PTK2B: variants seen among roughly 807,000 people sequenced by gnomAD.
PTK2B encodes the protein protein tyrosine kinase 2 beta.
In PTK2B, 71 loss-of-function variants were observed where a neutral mutation model predicts 142.9. That is an observed-to-expected ratio of 0.50 (90% CI 0.41 to 0.61). The LOEUF (loss-of-function observed/expected upper bound fraction) is 0.61. Ranked by LOEUF, PTK2B falls within the 20% of genes least tolerant of loss-of-function variation. The pLI is 0.00. For synonymous variants in PTK2B, 519 were observed against 503.4 expected, an observed-to-expected ratio of 1.03 and a Z score of -0.42; for missense variants, 1,105 against 1,320.4, an observed-to-expected ratio of 0.84 and a Z score of 2.53.
chr8:27,396,041 T>C (rs1244508549), intron 1 of PTK2B: 1 of 152,202 alleles, frequency 6.6e-6, no homozygotes, highest in Admixed American at 6.5e-5. Flanking sequence ...AGATTGCATA[T>C]TCTTCTCTCC....
chr8:27,369,757 C>T (rs1200258876), intron 1 of PTK2B, among the ~76,000 whole-genome samples: 3 of 152,014 alleles, frequency 2.0e-5, no homozygotes, highest in South Asian at 4.2e-4. Flanking sequence ...GGTGGATCAC[C>T]TGAGGGCAGG....
intron 1 of PTK2B, among the ~76,000 whole-genome samples, chr8:27,381,862 A>G (rs996011069): frequency 1.3e-5 from 2 of 152,226 alleles, no homozygotes; most frequent in African/African-American, 4.8e-5. Flanking sequence ...TAACTGGGTG[A>G]GATGCTATCT....
chr8:27,332,520 G>A (rs1416925457), intron 1 of PTK2B, among the ~76,000 whole-genome samples: 2 of 152,104 alleles, frequency 1.3e-5, no homozygotes, highest in Non-Finnish European at 2.9e-5. Flanking sequence ...CTAGGCACTT[G>A]TTGAATGTTT....
intron 24 of PTK2B, 74 bp downstream of exon 24, chr8:27,445,993 A>G: frequency 5.0e-6 from 8 of 1,588,442 alleles, no homozygotes; most frequent in Non-Finnish European, 6.0e-6. Flanking sequence ...GGGACACTGG[A>G]AACCCCACGT....
intron 1 of PTK2B, among the ~76,000 whole-genome samples, chr8:27,330,067 G>A (rs1272913556): frequency 6.6e-6 from 1 of 152,132 alleles, no homozygotes; most frequent in Non-Finnish European, 1.5e-5. Context: ...TCTGGGGGTG[G>A]AAGAAACAGG....
chr8:27,343,762 G>T (rs1804552034), intron 1 of PTK2B, among the ~76,000 whole-genome samples: 1 of 152,198 alleles, frequency 6.6e-6, no homozygotes, highest in Non-Finnish European at 1.5e-5. Context: ...CACTTTTGGA[G>T]GCTGAGGCAG....
chr8:27,442,559 G>C (rs888602336), intron 21 of PTK2B, among the ~76,000 whole-genome samples: 2 of 152,228 alleles, frequency 1.3e-5, no homozygotes, highest in African/African-American at 2.4e-5. Context: ...AAGCCCAGGA[G>C]GGCAAAAGGC....
chr8:27,385,757 G>A (rs1168720542), intron 1 of PTK2B, among the ~76,000 whole-genome samples: 1 of 152,072 alleles, frequency 6.6e-6, no homozygotes, highest in Non-Finnish European at 1.5e-5. Context: ...GCTGGGTATG[G>A]GGGCGGGCAC....
At chr8:27,313,210 C>G (rs1177666064) in exon 3 of PTK2B, 1 of 152,260 alleles carries the variant, frequency 6.6e-6, no homozygotes, top group African/African-American at 2.4e-5. Context: ...TGCAGCCTTG[C>G]AAAGGAGGTG....
At chr8:27,390,470 A>G (rs1807646509) in intron 1 of PTK2B, among the ~76,000 whole-genome samples, 1 of 152,028 alleles carries the variant, frequency 6.6e-6, no homozygotes, top group Non-Finnish European at 1.5e-5. Context: ...CCCTATCTCT[A>G]TACAAAATAA....
At chr8:27,338,295 A>C (rs144723371) in intron 1 of PTK2B, among the ~76,000 whole-genome samples, 11 of 152,286 alleles carry the variant, frequency 7.2e-5, no homozygotes, top group African/African-American at 2.4e-4. Context: ...TAGCACTTGA[A>C]ATTTTAAGGT....
rs1806819600 is a variant in PTK2B, at chr8:27,378,622, TGTGTGTGTG to T, written c.-37-18925_-37-18917del. Among the ~76,000 whole-genome samples the T allele has an allele frequency of 2.2e-5, 3 of 138,132 alleles. No homozygotes were observed. The East Asian group carries it at 5.8e-4, about 27-fold the overall frequency. The allele number at this position is 138,132 out of a possible 152,430, so 90.6% of individuals were successfully genotyped here. A position where few individuals can be genotyped will look rare whatever the true frequency, so the allele number is the denominator to read the frequency against. ...TTATCTGTGTGTGTGTGTGTGTGTG[TGTGTGTGTG>T]TGTGTGTGTGTGTGTGTGTACACAA... On this transcript the variant is annotated intron_variant, in intron 1 of 30. Transcript: ENST00000346049.
chr8:27,401,200 A>G (rs1725942604), intron 2 of PTK2B, among the ~76,000 whole-genome samples: 1 of 152,208 alleles, frequency 6.6e-6, no homozygotes, highest in Admixed American at 6.5e-5. Flanking sequence ...GCTGATACAG[A>G]AAGAGCAGCC....
intron 1 of PTK2B, among the ~76,000 whole-genome samples, chr8:27,334,694 C>T (rs1320051598): frequency 6.6e-6 from 1 of 152,216 alleles, no homozygotes; most frequent in Non-Finnish European, 1.5e-5. Context: ...TCCCTGCACA[C>T]TCATGCCTGG....
At chr8:27,409,262 TAA>T (rs966697771) in intron 2 of PTK2B, among the ~76,000 whole-genome samples, 26 of 152,184 alleles carry the variant, frequency 1.7e-4, no homozygotes, top group African/African-American at 6.0e-4. Flanking sequence ...GATAGATGTA[TAA>T]AGTTTTTTGG....
intron 1 of PTK2B, among the ~76,000 whole-genome samples, chr8:27,329,953 A>G (rs1435937996): frequency 6.6e-6 from 1 of 152,114 alleles, no homozygotes; most frequent in East Asian, 1.9e-4. Flanking sequence ...CAGCTACTAA[A>G]ACCTGAGTAC....
intron 5 of PTK2B, among the ~76,000 whole-genome samples, chr8:27,427,256 C>T (rs1380222173): frequency 1.3e-5 from 2 of 152,244 alleles, no homozygotes; most frequent in African/African-American, 2.4e-5. Flanking sequence ...GTGTGACCAT[C>T]TGCTCTTCCC....
chr8:27,347,400 T>C (rs565683883), intron 1 of PTK2B, among the ~76,000 whole-genome samples: 3 of 152,288 alleles, frequency 2.0e-5, no homozygotes, highest in East Asian at 3.9e-4. Context: ...GCCATTCTTA[T>C]GTTAGTTTGC....
chr8:27,387,981 A>G (rs1807475985), intron 1 of PTK2B, among the ~76,000 whole-genome samples: 1 of 152,180 alleles, frequency 6.6e-6, no homozygotes, highest in Admixed American at 6.5e-5. Context: ...GCTCAACTTG[A>G]TGCTTCTTGT....
Sources: gnomAD v4.1 joint callset for allele counts (sites outside exome capture counted in the v4.1 genomes callset) on GRCh38, gnomAD v4.1.1 for gene constraint, MANE v1.5 for transcripts, NCBI Gene and HGNC (gene_info 2026-07-23, HGNC 2026-07-21) for gene names.